The following BTBD2 variants were observed in gnomAD, a reference collection of about 807,000 sequenced individuals.
BTBD2 encodes the protein BTB domain containing 2.
In BTBD2, 15 loss-of-function variants were observed where a neutral mutation model predicts 44.0. The ratio of observed to expected loss-of-function variants is 0.34; its 90% confidence interval spans 0.23 to 0.53. BTBD2 has a LOEUF of 0.53. Among genes scored for constraint, BTBD2 ranks in the 20% least tolerant of loss-of-function variants. The pLI is 0.95. For synonymous variants in BTBD2, 443 were observed against 335.9 expected, an observed-to-expected ratio of 1.32 and a Z score of -3.49; for missense variants, 657 against 746.4, an observed-to-expected ratio of 0.88 and a Z score of 1.39.
intron 5 of BTBD2, 96 bp downstream of exon 5, chr19:1,989,908 T>C (rs2016148525): frequency 3.6e-6 from 5 of 1,407,684 alleles, no homozygotes; most frequent in Non-Finnish European, 4.9e-6. Flanking sequence ...TGCCAGGCTT[T>C]CCGCAGTGAA....
rs149748352 is a variant in BTBD2, at chr19:2,012,960, A to C, written c.407+2337T>G. 3.0e-3 allele frequency among the ~76,000 whole-genome samples: 461 copies of C among 152,232 alleles called. 1 individual carries two copies. The highest frequency in any genetic ancestry group is 0.011 in the African/African-American group (441 of 41,522). The stretch of plus-strand genomic sequence containing the variant: ...CCTACCCCCTCCCCAAAGAGCACAA[A>C]GACCACCCAGGTGGAGGGAGCAAAC... On this transcript the variant is annotated intron_variant, in intron 1 of 8. Transcript: ENST00000255608.
At chr19:2,000,775 A>C (rs2016319542) in intron 1 of BTBD2, among the ~76,000 whole-genome samples, 4 of 152,216 alleles carry the variant, frequency 2.6e-5, no homozygotes, top group Admixed American at 2.6e-4. Flanking sequence ...CCCAACTCCG[A>C]ACGGGGGAAA....
At chr19:1,994,174 G>C (rs2016220550) in intron 2 of BTBD2, among the ~76,000 whole-genome samples, 1 of 151,664 alleles carries the variant, frequency 6.6e-6, no homozygotes, top group Admixed American at 6.6e-5. Flanking sequence ...AAATTAGCCA[G>C]GTGTGGTGGC....
chr19:2,000,665 T>C (rs2016317755), intron 1 of BTBD2, among the ~76,000 whole-genome samples: 1 of 151,636 alleles, frequency 6.6e-6, no homozygotes, highest in Non-Finnish European at 1.5e-5. Flanking sequence ...CTCCCGGCTG[T>C]TCCCCCCTTC....
At chr19:2,002,895 G>GC (rs1555687507) in intron 1 of BTBD2, 7 of 89,076 alleles carry the variant, frequency 7.9e-5, no homozygotes, top group African/African-American at 3.3e-4. Context: ...AAAAAAAAAA[G>GC]AAAAAAAAAT....
chr19:2,006,140 CAA>C (rs1345919760), intron 1 of BTBD2, among the ~76,000 whole-genome samples: 1 of 151,374 alleles, frequency 6.6e-6, no homozygotes, highest in Non-Finnish European at 1.5e-5. Flanking sequence ...TCCAAGGGGT[CAA>C]TACTAGACAC....
At chr19:1,995,173 C>A (rs2016233749) in intron 2 of BTBD2, among the ~76,000 whole-genome samples, 1 of 151,764 alleles carries the variant, frequency 6.6e-6, no homozygotes, top group Admixed American at 6.6e-5. Context: ...TGCCTTGTTG[C>A]CCAGGCTGGT....
intron 2 of BTBD2, among the ~76,000 whole-genome samples, chr19:1,995,273 T>C (rs1003342346): frequency 8.3e-6 from 1 of 120,718 alleles, no homozygotes; most frequent in African/African-American, 3.7e-5. Context: ...AGCCATACTT[T>C]GGATTCTTTT....
rs916504513 is a variant in BTBD2, at chr19:1,986,986, G to A, written c.1270-10C>T. On this transcript the variant is annotated splice_polypyrimidine_tract_variant and intron_variant, in intron 7 of 8. Coordinates refer to ENST00000255608, the MANE Select transcript of BTBD2 (RefSeq NM_017797.4). ...TATCGGTGTGAATAATCTGCGGGGA[G>A]GTGGGAAGTGGGAGGCTCAGGCCTG... 1.2e-6 allele frequency: 2 copies of A among 1,609,366 alleles called. No homozygotes were observed. The highest frequency in any genetic ancestry group is 3.3e-5 in the Admixed American group (2 of 59,792).
At position 1,987,181 on chromosome 19, in the gene BTBD2, GTAGTC is replaced by G; in HGVS notation, c.1249_1253del (p.Asp417ProfsTer11). On this transcript the variant is annotated frameshift_variant, in exon 7 of 9. Transcript: ENST00000255608. LOFTEE classifies it high-confidence loss of function. ...GGGCTGGTACCTGGATGTTCACTTG[GTAGTC>G]GGTGGGCCCGTGGATGGATCCATAC... 6.2e-7 allele frequency: 1 copy of G among 1,613,800 alleles called. No homozygotes were observed. The highest frequency in any genetic ancestry group is 8.5e-7 in the Non-Finnish European group (1 of 1,179,804).
In BTBD2 at chr19:1,990,129, C is replaced by T. The variant is rs554362987; in HGVS notation, c.863G>A (p.Arg288His). The T allele has an allele frequency of 1.5e-5, 24 of 1,612,352 alleles. No individual in the cohort carries two copies. The highest frequency in any genetic ancestry group is 2.2e-5 in the South Asian group (2 of 90,990). Residue 288 changes from arginine to histidine, a missense_variant, in exon 5 of 9, where the codon CGC (arginine) becomes CAC (histidine). Arg to His is a conservative substitution (Grantham distance 29, BLOSUM62 0). Around this residue, in one of 3 missense-constraint regions of BTBD2, gnomAD observed 449 missense variants for 510.9 expected, o/e 0.88. Coordinates refer to ENST00000255608, the MANE Select transcript of BTBD2 (RefSeq NM_017797.4). Reference protein sequence around the residue: ...REVRLFNAVVRWSEAECQRQQ... With the variant: ...REVRLFNAVVHWSEAECQRQQ... ...CCGCTGACACTCGGCCTCGGACCAGCGGACAACGGCATTGAACAGCCGCAC... is the reference window on the plus strand; with the variant it reads ...CCGCTGACACTCGGCCTCGGACCAGTGGACAACGGCATTGAACAGCCGCAC...
At chr19:2,000,825 G>A (rs1303866563) in intron 1 of BTBD2, among the ~76,000 whole-genome samples, 2 of 152,166 alleles carry the variant, frequency 1.3e-5, no homozygotes, top group Non-Finnish European at 2.9e-5. Flanking sequence ...GACCACCCAC[G>A]CACTGGAACA....
intron 1 of BTBD2, among the ~76,000 whole-genome samples, chr19:2,014,939 G>C (rs894477277): frequency 6.6e-6 from 1 of 151,528 alleles, no homozygotes; most frequent in South Asian, 2.1e-4. Context: ...TCTGGGGACA[G>C]AGAGGTGCAG....
rs766559219 is a variant in BTBD2, at chr19:1,987,532, G to A, written c.1149C>T (p.Arg383=). 3.1e-6 allele frequency: 5 copies of A among 1,601,932 alleles called. No homozygotes were observed. The highest frequency in any genetic ancestry group is 4.3e-6 in the Non-Finnish European group (5 of 1,175,162). The change falls in exon 6 of 9, where the codon CGC becomes CGT. Residue 383 remains arginine (R), a synonymous_variant. Transcript: ENST00000255608. The stretch of plus-strand genomic sequence containing the variant: ...GGTCACTGGTCCCGCTGTAGCCCCA[G>A]CGACTCTCCACCTGCTGGAAGCGGT... The part of the protein sequence containing the change: ...SINRFQQVES[R]WGYSGTSDRI...
At chr19:1,998,312 G>A (rs895067937) in intron 1 of BTBD2, among the ~76,000 whole-genome samples, 4 of 152,218 alleles carry the variant, frequency 2.6e-5, no homozygotes. Flanking sequence ...CTGAGTGAGA[G>A]AAGAGAGAGG....
intron 2 of BTBD2, among the ~76,000 whole-genome samples, chr19:1,995,694 T>C (rs956385377): frequency 2.0e-5 from 3 of 150,614 alleles, no homozygotes; most frequent in Admixed American, 1.3e-4. Flanking sequence ...TGGAGTGCAG[T>C]GGCATGATCT....
chr19:1,997,237 TCTC>T (rs1448486551), intron 2 of BTBD2, 104 bp downstream of exon 2: 1 of 1,509,252 alleles, frequency 6.6e-7, no homozygotes, highest in Non-Finnish European at 9.0e-7. Context: ...GTTCTAGAAA[TCTC>T]CACCAAGCCA....
rs1599364933 is a variant in BTBD2 at position 2,015,575 on chromosome 19, G to C, written c.129C>G (p.Ala43=). 1.1e-5 allele frequency: 9 copies of C among 849,438 alleles called. No homozygotes were observed. The highest frequency in any genetic ancestry group is 1.1e-5 in the Non-Finnish European group (8 of 723,692). The allele number at this position is 849,438 out of a possible 1,614,324, so 52.6% of individuals were successfully genotyped here. A position where few individuals can be genotyped will look rare whatever the true frequency, so the allele number is the denominator to read the frequency against. The change falls in exon 1 of 9, where the codon GCC becomes GCG. Residue 43 remains alanine (A), a synonymous_variant. Coordinates refer to ENST00000255608, the MANE Select transcript of BTBD2 (RefSeq NM_017797.4). Reference sequence around the variant, plus strand: ...CGGCGGCGGCGGCGGCGGCGGCGGCGGCGGCCGCGTTGCCGGGGGCCGGGG... The same window carrying C: ...CGGCGGCGGCGGCGGCGGCGGCGGCCGCGGCCGCGTTGCCGGGGGCCGGGG... ...AATPAPGNAA[A]AAAAAAAAAA...
Position 1,986,813 on chromosome 19 carries a change from T to C in BTBD2, c.1416+17A>G, listed in dbSNP as rs1299127450. The C allele has an allele frequency of 6.3e-7, 1 of 1,594,890 alleles. No homozygotes were observed. Among genetic ancestry groups the C allele is most frequent in the Non-Finnish European group, 8.5e-7 (1 of 1,170,142 alleles). ...CCAGAGACTCCCACGGAGGGACCCC[T>C]GTCCCCGGCGGCGCACCTTGAGCGT... is the stretch of plus-strand genomic sequence containing the variant. On this transcript the variant is annotated intron_variant, in intron 8 of 8. Coordinates refer to ENST00000255608, the MANE Select transcript of BTBD2 (RefSeq NM_017797.4).
Sources: gnomAD v4.1 joint callset for allele counts (sites outside exome capture counted in the v4.1 genomes callset) on GRCh38, gnomAD v4.1.1 for gene constraint, gnomAD v4.1.1 regional missense constraint, MANE v1.5 for transcripts, NCBI Gene and HGNC (gene_info 2026-07-23, HGNC 2026-07-21) for gene names.